CNTNAP2: variants seen among roughly 807,000 people sequenced by gnomAD.
The protein encoded by CNTNAP2 is contactin-associated protein-like 2.
A neutral mutation model predicts 155.2 loss-of-function variants in CNTNAP2; 98 were observed. The observed-to-expected ratio is 0.63, with a 90% CI of 0.54 to 0.75. The LOEUF is 0.75. Ranked by LOEUF, CNTNAP2 falls within the 30% of genes least tolerant of loss-of-function variation. The pLI is 0.00. For missense variants in CNTNAP2, 1,727 were observed against 1,688.1 expected (o/e 1.02, Z -0.40); for synonymous variants, 651 against 631.2 (o/e 1.03, Z -0.47).
At chr7:147,170,811 G>C (rs912541174) in intron 8 of CNTNAP2, among the ~76,000 whole-genome samples, 1 of 152,196 alleles carries the variant, frequency 6.6e-6, no homozygotes, top group Admixed American at 6.5e-5. Flanking sequence ...TGCATGTGCT[G>C]CTGCGGGGCA....
intron 14 of CNTNAP2, among the ~76,000 whole-genome samples, chr7:147,962,135 C>A (rs923288353): frequency 2.0e-5 from 3 of 152,222 alleles, no homozygotes; most frequent in Non-Finnish European, 2.9e-5. Flanking sequence ...GCATTCCCCA[C>A]CAGACCAGGC....
chr7:146,254,072 A>T (rs1254479873), intron 1 of CNTNAP2, among the ~76,000 whole-genome samples: 4 of 152,008 alleles, frequency 2.6e-5, no homozygotes. Context: ...ATAACAAAAC[A>T]GAACAAAACA....
intron 8 of CNTNAP2, among the ~76,000 whole-genome samples, chr7:147,234,475 C>A (rs942928241): frequency 9.3e-5 from 14 of 150,976 alleles, no homozygotes; most frequent in Admixed American, 7.3e-4. Context: ...GTAGCTGGGA[C>A]TACAGGCGCC....
intron 15 of CNTNAP2, among the ~76,000 whole-genome samples, chr7:147,997,609 A>G (rs1239385598): frequency 6.6e-6 from 1 of 152,170 alleles, no homozygotes; most frequent in Non-Finnish European, 1.5e-5. Flanking sequence ...CGGGTGCAGC[A>G]TAATTTATTG....
intron 9 of CNTNAP2, among the ~76,000 whole-genome samples, chr7:147,330,535 T>C (rs976527843): frequency 6.6e-6 from 1 of 152,202 alleles, no homozygotes; most frequent in Non-Finnish European, 1.5e-5. Flanking sequence ...ATTATGATTT[T>C]GGAACTGAGT....
At chr7:146,757,769 A>G (rs1433905212) in intron 1 of CNTNAP2, among the ~76,000 whole-genome samples, 3 of 152,184 alleles carry the variant, frequency 2.0e-5, no homozygotes, top group African/African-American at 7.2e-5. Flanking sequence ...TATTATGGTC[A>G]TGAATATACA....
At chr7:146,861,250 A>G (rs1305737999) in intron 3 of CNTNAP2, among the ~76,000 whole-genome samples, 1 of 152,042 alleles carries the variant, frequency 6.6e-6, no homozygotes, top group Non-Finnish European at 1.5e-5. Flanking sequence ...ACAGAGTTTC[A>G]CCATGTTGTC....
chr7:147,738,295 T>C (rs1286218608), intron 13 of CNTNAP2, among the ~76,000 whole-genome samples: 1 of 152,136 alleles, frequency 6.6e-6, no homozygotes, highest in Non-Finnish European at 1.5e-5. Context: ...TTGAGAGGAC[T>C]GACTCCAATT....
At chr7:146,936,570 C>T (rs1796919020) in intron 3 of CNTNAP2, among the ~76,000 whole-genome samples, 1 of 152,156 alleles carries the variant, frequency 6.6e-6, no homozygotes, top group Non-Finnish European at 1.5e-5. Context: ...CTAACTGTGG[C>T]CTAAGAAGGA....
At chr7:147,465,715 G>A (rs1265649207) in intron 10 of CNTNAP2, among the ~76,000 whole-genome samples, 4 of 152,148 alleles carry the variant, frequency 2.6e-5, no homozygotes, top group Non-Finnish European at 5.9e-5. Context: ...CTTGGTCCAC[G>A]TGTCTATGTG....
intron 14 of CNTNAP2, among the ~76,000 whole-genome samples, chr7:147,923,932 C>G (rs1476481997): frequency 6.6e-6 from 1 of 152,118 alleles, no homozygotes; most frequent in African/African-American, 2.4e-5. Context: ...TGGAAGCCAC[C>G]CAGTTTGTGG....
intron 13 of CNTNAP2, among the ~76,000 whole-genome samples, chr7:147,882,038 CT>C: frequency 6.6e-6 from 1 of 152,020 alleles, no homozygotes; most frequent in East Asian, 1.9e-4. Context: ...AAGAATATTT[CT>C]GTTACCGAGA....
At chr7:146,990,198 T>A (rs905278299) in intron 3 of CNTNAP2, among the ~76,000 whole-genome samples, 1 of 152,168 alleles carries the variant, frequency 6.6e-6, no homozygotes, top group Non-Finnish European at 1.5e-5. Context: ...TTAATTAAGG[T>A]CAGATGAAAA....
At chr7:147,968,566 G>A (rs573626776) in intron 14 of CNTNAP2, among the ~76,000 whole-genome samples, 27 of 152,230 alleles carry the variant, frequency 1.8e-4, no homozygotes, top group Non-Finnish European at 3.2e-4. Context: ...GGGACCTGCC[G>A]CTTATTTGCC....
At chr7:146,597,627 C>A (rs1369218898) in intron 1 of CNTNAP2, among the ~76,000 whole-genome samples, 1 of 151,942 alleles carries the variant, frequency 6.6e-6, no homozygotes, top group African/African-American at 2.4e-5. Flanking sequence ...TGTTATTTCA[C>A]AATTTACAAA....
intron 3 of CNTNAP2, among the ~76,000 whole-genome samples, chr7:146,851,956 G>A (rs1794887961): frequency 6.6e-6 from 1 of 152,042 alleles, no homozygotes; most frequent in South Asian, 2.1e-4. Context: ...AAAGTGTTAG[G>A]ATTGTAGGCA....
intron 1 of CNTNAP2, among the ~76,000 whole-genome samples, chr7:146,551,532 CT>C (rs2129142814): frequency 6.6e-6 from 1 of 151,934 alleles, no homozygotes; most frequent in South Asian, 2.1e-4. Context: ...TTAATCCAGT[CT>C]ATCATTGTTG....
At chr7:147,995,486 C>T (rs909885717) in intron 15 of CNTNAP2, among the ~76,000 whole-genome samples, 13 of 151,770 alleles carry the variant, frequency 8.6e-5, no homozygotes, top group Admixed American at 1.3e-4. Flanking sequence ...CACCATCATA[C>T]TCCACTTCCA....
intron 22 of CNTNAP2, among the ~76,000 whole-genome samples, chr7:148,400,470 G>A (rs2116698014): frequency 6.6e-6 from 1 of 152,266 alleles, no homozygotes; most frequent in East Asian, 1.9e-4. Flanking sequence ...TCAACGAAGA[G>A]CCGTACGGCA....
Sources: gnomAD v4.1 joint callset for allele counts (sites outside exome capture counted in the v4.1 genomes callset) on GRCh38, gnomAD v4.1.1 for gene constraint, MANE v1.5 for transcripts, NCBI Gene and HGNC (gene_info 2026-07-23, HGNC 2026-07-21) for gene names.